HSF5: variants seen among roughly 807,000 people sequenced by gnomAD.
HSF5 encodes the protein heat shock transcription factor 5.
HSF5 carries 5 observed loss-of-function variants against 50.8 expected under a neutral mutation model. The observed-to-expected ratio is 0.10, with a 90% CI of 0.05 to 0.21. The LOEUF (loss-of-function observed/expected upper bound fraction) is 0.21. Ranked by LOEUF, HSF5 falls within the 10% of genes least tolerant of loss-of-function variation. The probability of loss-of-function intolerance (pLI) is 1.00; values close to 1 mark genes in which losing one functional copy is unlikely to be tolerated. For missense variants in HSF5, 564 were observed against 762.6 expected (o/e 0.74, Z 3.07); for synonymous variants, 307 against 307.4 (o/e 1.00, Z 0.02).
intron 4 of HSF5, among the ~76,000 whole-genome samples, chr17:58,460,789 G>C (rs1974785393): frequency 1.3e-5 from 2 of 151,720 alleles, no homozygotes; most frequent in South Asian, 2.1e-4. Flanking sequence ...GATTACAGAC[G>C]TGAGCCACTG....
intron 5 of HSF5, among the ~76,000 whole-genome samples, chr17:58,445,445 C>G (rs1429800952): frequency 6.6e-6 from 1 of 152,148 alleles, no homozygotes; most frequent in African/African-American, 2.4e-5. Context: ...ATATTTCCAC[C>G]CCCAAGTTCA....
intron 2 of HSF5, among the ~76,000 whole-genome samples, chr17:58,477,172 T>A (rs576938330): frequency 6.8e-6 from 1 of 146,440 alleles, no homozygotes; most frequent in Non-Finnish European, 1.5e-5. Flanking sequence ...CAGGCTGGAG[T>A]GCAATGGCGT....
At chr17:58,441,942 G>C (rs1428578140) in intron 5 of HSF5, among the ~76,000 whole-genome samples, 1 of 152,212 alleles carries the variant, frequency 6.6e-6, no homozygotes, top group Non-Finnish European at 1.5e-5. Flanking sequence ...GGGTATGTGT[G>C]AGTGAGGGGG....
Position 58,488,101 on chromosome 17 carries a change from G to A in HSF5, c.174C>T (p.Gly58=), listed in dbSNP as rs1403840139. Reference sequence around the variant, plus strand: ...CCCCGGCCCCCGCAGTCCCGCCACCGCCCCCCGGCCCGGGCGGGCTGAGCA... The same window carrying A: ...CCCCGGCCCCCGCAGTCCCGCCACCACCCCCCGGCCCGGGCGGGCTGAGCA... ...AELLSPPGPG[G]GGGTAGAGAE... Residue 58 remains glycine (G), a synonymous_variant, in exon 1 of 6, where the codon GGC becomes GGT. Transcript: ENST00000323777. This position sits in a 1 kb window ranked among gnomAD's most constrained non-coding sequence, Gnocchi z 4.1. The A allele has an allele frequency of 6.8e-6, 10 of 1,463,646 alleles. No homozygotes were observed. The East Asian group carries it at 1.8e-4, about 26-fold the overall frequency. The allele number at this position is 1,463,646 out of a possible 1,614,324, so 90.7% of individuals were successfully genotyped here.
At position 58,451,696 on chromosome 17, in the gene HSF5, C is replaced by T. The variant is rs186657445; in HGVS notation, c.1720+7072G>A. Among the ~76,000 whole-genome samples the T allele has an allele frequency of 6.6e-5, 10 of 151,904 alleles. No homozygotes were observed. In the East Asian group the frequency reaches 7.7e-4, roughly 12 times the overall value. Reference sequence around the variant, plus strand: ...ATGTGATACAGCAAATGCTGTCCTACGAGGGAAGTTTATGGCAATAAATGC... The same window carrying T: ...ATGTGATACAGCAAATGCTGTCCTATGAGGGAAGTTTATGGCAATAAATGC... On this transcript the variant is annotated intron_variant, in intron 5 of 5. Coordinates refer to ENST00000323777, the MANE Select transcript of HSF5 (RefSeq NM_001080439.3).
rs981443148 is a variant in HSF5 at position 58,451,432 on chromosome 17, G to A, written c.1720+7336C>T. Among the ~76,000 whole-genome samples the A allele has an allele frequency of 3.3e-5, 5 of 152,232 alleles. No individual in the cohort carries two copies. In the South Asian group the frequency reaches 6.2e-4, roughly 19 times the overall value. Reference sequence around the variant, plus strand: ...GAACAATCTCCAGAATAGACCATACGTTAGGCCATAAAAGAAGTCTTAACA... The same window carrying A: ...GAACAATCTCCAGAATAGACCATACATTAGGCCATAAAAGAAGTCTTAACA... On this transcript the variant is annotated intron_variant, in intron 5 of 5. Coordinates refer to ENST00000323777, the MANE Select transcript of HSF5 (RefSeq NM_001080439.3).
At chr17:58,436,973 C>T (rs2143740512) in intron 5 of HSF5, among the ~76,000 whole-genome samples, 1 of 152,282 alleles carries the variant, frequency 6.6e-6, no homozygotes, top group East Asian at 1.9e-4. Context: ...CCTTTTAATT[C>T]CATTTTTGCG....
At chr17:58,436,504 T>C (rs117987405) in intron 5 of HSF5, among the ~76,000 whole-genome samples, 1,669 of 151,986 alleles carry the variant, frequency 0.011, 15 homozygotes, top group Middle Eastern at 0.041. Flanking sequence ...ACTCATCTAT[T>C]AACTGCACTG....
intron 5 of HSF5, among the ~76,000 whole-genome samples, chr17:58,425,456 T>C (rs991478699): frequency 1.3e-5 from 2 of 150,792 alleles, no homozygotes; most frequent in Non-Finnish European, 3.0e-5. Context: ...TGCACACCTG[T>C]AGTCCTAGCT....
intron 5 of HSF5, among the ~76,000 whole-genome samples, chr17:58,450,962 G>A (rs1265215924): frequency 3.3e-5 from 5 of 151,624 alleles, no homozygotes; most frequent in South Asian, 2.1e-4. Context: ...GGTGGTGGGC[G>A]CCTGTAATCC....
At chr17:58,450,474 C>T (rs1486455380) in intron 5 of HSF5, among the ~76,000 whole-genome samples, 2 of 151,984 alleles carry the variant, frequency 1.3e-5, no homozygotes, top group Admixed American at 6.6e-5. Context: ...GACTTTAAGG[C>T]CAGGTGCAAT....
At chr17:58,476,425 T>C (rs1975012790) in intron 2 of HSF5, 2 of 1,056,412 alleles carry the variant, frequency 1.9e-6, no homozygotes, top group African/African-American at 1.6e-5. Context: ...GCCGGCTTTA[T>C]TCTGAGTTTA....
Position 58,479,929 on chromosome 17 carries a change from G to A in HSF5, c.889C>T (p.Pro297Ser), listed in dbSNP as rs1378265146. The A allele has an allele frequency of 6.2e-7, 1 of 1,613,812 alleles. No individual in the cohort carries two copies. The highest frequency in any genetic ancestry group is 1.3e-5 in the African/African-American group (1 of 74,922). The stretch of plus-strand genomic sequence containing the variant: ...TAGGCTTGCGAGTACTGTGCTGAGG[G>A]TGTGTAGTTACTGTATTTTTGGGAG... ...SSSQKYSNYT[P>S]SAQYSQAYYP... Residue 297 changes from proline to serine, a missense_variant, in exon 2 of 6, where the codon CCC (proline) becomes TCC (serine). Physicochemically the swap from Pro to Ser is moderately conservative, Grantham distance 74. Around this residue, in one of 5 missense-constraint regions of HSF5, gnomAD observed 441 missense variants for 533.6 expected, o/e 0.83. Coordinates refer to ENST00000323777, the MANE Select transcript of HSF5 (RefSeq NM_001080439.3).
In HSF5 at chr17:58,423,608, T is replaced by C. The variant is rs147464528; in HGVS notation, c.1721-1178A>G. ...GATTCTCCTGCCTCAGCCTCCCAAGTAGCTGGGATTACAGGCGCACACCAC... is the reference window on the plus strand; with the variant it reads ...GATTCTCCTGCCTCAGCCTCCCAAGCAGCTGGGATTACAGGCGCACACCAC... On this transcript the variant is annotated intron_variant, in intron 5 of 5. Coordinates refer to ENST00000323777, the MANE Select transcript of HSF5 (RefSeq NM_001080439.3). Among the ~76,000 whole-genome samples, 962 of 150,930 alleles carry C rather than the reference T, an allele frequency of 6.4e-3. 6 individuals carry two copies. The highest frequency in any genetic ancestry group is 0.022 in the African/African-American group (898 of 41,078).
At position 58,443,098 on chromosome 17, in the gene HSF5, G is replaced by A. The variant is rs112785704; in HGVS notation, c.1720+15670C>T. 9.6e-3 allele frequency among the ~76,000 whole-genome samples: 1,459 copies of A among 152,054 alleles called. 28 individuals carry two copies. The highest frequency in any genetic ancestry group is 0.033 in the African/African-American group (1,356 of 41,458). ...AATTTTTTGTATTTTTAGTAGAGACGGGGTTTCACTGTGTTAGCCAGGATG... is the reference window on the plus strand; with the variant it reads ...AATTTTTTGTATTTTTAGTAGAGACAGGGTTTCACTGTGTTAGCCAGGATG... On this transcript the variant is annotated intron_variant, in intron 5 of 5. Transcript: ENST00000323777.
intron 1 of HSF5, among the ~76,000 whole-genome samples, chr17:58,486,372 AT>A (rs1211846337): frequency 6.6e-6 from 1 of 152,262 alleles, no homozygotes; most frequent in African/African-American, 2.4e-5. Context: ...TCTCAAAAAA[AT>A]AAACAAATAA....
At chr17:58,463,426 A>G (rs1191989335) in intron 3 of HSF5, 123 bp from the exon 4 acceptor site, 1 of 757,614 alleles carries the variant, frequency 1.3e-6, no homozygotes, top group East Asian at 2.7e-5. Flanking sequence ...GATCACTAAG[A>G]AAACCTAGAC....
intron 2 of HSF5, among the ~76,000 whole-genome samples, chr17:58,474,798 C>T (rs1359988102): frequency 6.6e-6 from 1 of 152,082 alleles, no homozygotes; most frequent in Non-Finnish European, 1.5e-5. Flanking sequence ...CTTACTGCAG[C>T]CTCAAACTCC....
At chr17:58,456,114 G>GATAT (rs148227330) in intron 5 of HSF5, among the ~76,000 whole-genome samples, 3 of 145,358 alleles carry the variant, frequency 2.1e-5, no homozygotes, top group Non-Finnish European at 1.5e-5. Context: ...AAGAAAATGT[G>GATAT]ATATATATAT....
Sources: allele counts gnomAD v4.1 joint callset (sites outside exome capture counted in the v4.1 genomes callset), GRCh38; gene constraint gnomAD v4.1.1; regional missense constraint gnomAD v4.1.1; non-coding constraint Gnocchi (gnomAD v3.1); transcripts MANE v1.5; gene names NCBI Gene and HGNC (gene_info 2026-07-23, HGNC 2026-07-21).